Variants in CCSER1 observed in about 807,000 individuals in gnomAD.
CCSER1 encodes serine-rich coiled-coil domain-containing protein 1.
A neutral mutation model predicts 82.0 loss-of-function variants in CCSER1; 41 were observed. That is an observed-to-expected ratio of 0.50 (90% CI 0.39 to 0.65). The LOEUF is 0.65. CCSER1 is among the 30% of genes least tolerant of loss of function. The pLI is 0.00. For synonymous variants in CCSER1, 414 were observed against 383.9 expected, an observed-to-expected ratio of 1.08 and a Z score of -0.92; for missense variants, 1,119 against 1,064.2, an observed-to-expected ratio of 1.05 and a Z score of -0.72.
intron 6 of CCSER1, among the ~76,000 whole-genome samples, chr4:90,707,913 C>A (rs1193090859): frequency 2.0e-5 from 3 of 152,102 alleles, no homozygotes; most frequent in African/African-American, 7.2e-5. Flanking sequence ...ACACAGCTTT[C>A]GGTTTACAAG....
chr4:90,327,752 A>G (rs1380366572), intron 3 of CCSER1, among the ~76,000 whole-genome samples: 2 of 152,192 alleles, frequency 1.3e-5, no homozygotes, highest in East Asian at 3.9e-4. Context: ...AATAAATGCC[A>G]GTGGGACCCC....
intron 8 of CCSER1, among the ~76,000 whole-genome samples, chr4:90,876,412 C>T (rs998411056): frequency 2.0e-5 from 3 of 152,044 alleles, no homozygotes; most frequent in Admixed American, 6.6e-5. Flanking sequence ...ATCATGTGTG[C>T]TGGCAACACA....
chr4:90,836,781 G>A (rs768395999), intron 8 of CCSER1, among the ~76,000 whole-genome samples: 6 of 152,136 alleles, frequency 3.9e-5, no homozygotes, highest in African/African-American at 9.7e-5. Context: ...TTCATCAAGT[G>A]TTCATCCCCT....
chr4:91,031,768 T>C (rs781260172), intron 9 of CCSER1, among the ~76,000 whole-genome samples: 33 of 152,148 alleles, frequency 2.2e-4, no homozygotes, highest in Non-Finnish European at 4.3e-4. Context: ...CCACAGATTG[T>C]TTATAGCAGT....
rs532507309 is a variant in CCSER1, at chr4:91,041,410, C to T, written c.2173-44540C>T. 4.6e-5 allele frequency among the ~76,000 whole-genome samples: 7 copies of T among 152,222 alleles called. No individual in the cohort carries two copies. The South Asian group carries it at 8.3e-4, about 18-fold the overall frequency. On this transcript the variant is annotated intron_variant, in intron 9 of 10. Coordinates refer to ENST00000509176, the MANE Select transcript of CCSER1 (RefSeq NM_001145065.2). ...TTCTAGATTACTTTTTGTTTTTCCT[C>T]TATGAGCTAGCATTGCTTTGTGGGT...
intron 1 of CCSER1, among the ~76,000 whole-genome samples, chr4:90,212,513 G>A (rs1740217717): frequency 6.6e-6 from 1 of 152,134 alleles, no homozygotes; most frequent in Non-Finnish European, 1.5e-5. Context: ...TTGAAGGATT[G>A]ACTTTCTTCA....
At chr4:90,948,422 A>G (rs1278260458) in intron 9 of CCSER1, among the ~76,000 whole-genome samples, 1 of 151,828 alleles carries the variant, frequency 6.6e-6, no homozygotes, top group Non-Finnish European at 1.5e-5. Flanking sequence ...AGTTTTAGAG[A>G]TACATATTTT....
chr4:90,780,674 A>C, intron 7 of CCSER1: 1 of 1,341,672 alleles, frequency 7.5e-7, no homozygotes, highest in Non-Finnish European at 9.5e-7. Flanking sequence ...ATAATGAACT[A>C]AGGAGGCTCT....
intron 5 of CCSER1, among the ~76,000 whole-genome samples, chr4:90,575,957 A>T (rs1377763450): frequency 2.6e-5 from 4 of 151,546 alleles, no homozygotes; most frequent in Admixed American, 2.6e-4. Flanking sequence ...TTTTCAGTGT[A>T]TTGGACATTA....
chr4:91,539,351 T>C (rs1310361121), intron 10 of CCSER1, among the ~76,000 whole-genome samples: 1 of 152,110 alleles, frequency 6.6e-6, no homozygotes, highest in Non-Finnish European at 1.5e-5. Context: ...TTTTCCCTTC[T>C]GACGCTTAAA....
intron 8 of CCSER1, among the ~76,000 whole-genome samples, chr4:90,896,337 A>G (rs981795281): frequency 1.3e-5 from 2 of 151,992 alleles, no homozygotes; most frequent in Non-Finnish European, 2.9e-5. Flanking sequence ...GAAGTTGTAT[A>G]GATTTTAGTA....
intron 6 of CCSER1, among the ~76,000 whole-genome samples, chr4:90,638,015 C>T (rs77470501): frequency 6.6e-5 from 10 of 152,218 alleles, no homozygotes; most frequent in Non-Finnish European, 8.8e-5. Context: ...AGACAAAATA[C>T]GTACCCACAA....
intron 6 of CCSER1, among the ~76,000 whole-genome samples, chr4:90,630,061 G>A (rs1018953488): frequency 1.8e-4 from 27 of 152,156 alleles, no homozygotes; most frequent in African/African-American, 6.5e-4. Flanking sequence ...GGCAAACACT[G>A]CAAATTAGGG....
intron 8 of CCSER1, among the ~76,000 whole-genome samples, chr4:90,923,121 A>T (rs759935219): frequency 6.6e-6 from 1 of 152,176 alleles, no homozygotes. Flanking sequence ...TTATGACTCT[A>T]CTGTTGAACT....
At chr4:91,054,427 C>G (rs1743263446) in intron 9 of CCSER1, among the ~76,000 whole-genome samples, 1 of 152,062 alleles carries the variant, frequency 6.6e-6, no homozygotes, top group Non-Finnish European at 1.5e-5. Context: ...GTTATATCCT[C>G]TTGGTTTATT....
chr4:90,382,061 T>A (rs2153532279), intron 3 of CCSER1, among the ~76,000 whole-genome samples: 1 of 152,170 alleles, frequency 6.6e-6, no homozygotes, highest in African/African-American at 2.4e-5. Context: ...ATATTTCAAT[T>A]TTGTGTCTAA....
At chr4:91,010,527 T>G (rs916111924) in intron 9 of CCSER1, among the ~76,000 whole-genome samples, 5 of 134,870 alleles carry the variant, frequency 3.7e-5, no homozygotes, top group African/African-American at 1.2e-4. Context: ...ACGCTTTCCT[T>G]TCTGGAAATC....
rs181227949 is a variant in CCSER1 at position 90,281,283 on chromosome 4, G to A, written c.-41-26961G>A. On this transcript the variant is annotated intron_variant, in intron 1 of 10. Transcript: ENST00000509176. ...CACAAAGAAAGAAACAACAGACATTGGGGCCTATTTAAAGATGGAGGGTAG... is the reference window on the plus strand; with the variant it reads ...CACAAAGAAAGAAACAACAGACATTAGGGCCTATTTAAAGATGGAGGGTAG... Among the ~76,000 whole-genome samples the A allele has an allele frequency of 8.8e-4, 134 of 152,068 alleles. 1 individual carries two copies. The highest frequency in any genetic ancestry group is 1.5e-3 in the Non-Finnish European group (99 of 67,924).
intron 10 of CCSER1, among the ~76,000 whole-genome samples, chr4:91,175,794 G>A (rs1471973151): frequency 1.2e-4 from 18 of 151,988 alleles, no homozygotes; most frequent in African/African-American, 9.7e-5. Flanking sequence ...CTCTGATGGT[G>A]GTTTCTTTTG....
Sources: gnomAD v4.1 joint callset for allele counts (sites outside exome capture counted in the v4.1 genomes callset) on GRCh38, gnomAD v4.1.1 for gene constraint, MANE v1.5 for transcripts, NCBI Gene and HGNC (gene_info 2026-07-23, HGNC 2026-07-21) for gene names.